Variants in FBF1 observed in about 807,000 individuals in gnomAD.
FBF1 encodes the protein fas-binding factor 1.
Under a neutral mutation model 147.2 loss-of-function variants are expected in FBF1, and 119 were observed. The ratio of observed to expected loss-of-function variants is 0.81; its 90% CI spans 0.70 to 0.94. FBF1 has a LOEUF of 0.94. FBF1 is among the 40% of genes least tolerant of loss of function. The probability of loss-of-function intolerance (pLI) is 0.00; values close to 1 mark genes in which losing one functional copy is unlikely to be tolerated. For missense variants in FBF1, 1,449 were observed against 1,500.8 expected (o/e 0.97, Z 0.57); for synonymous variants, 601 against 609.0 (o/e 0.99, Z 0.19).
In FBF1 at chr17:75,921,968, C is replaced by T. The variant is rs199999931; in HGVS notation, c.1503G>A (p.Pro501=). The T allele has an allele frequency of 1.0e-5, 16 of 1,551,396 alleles. No individual in the cohort carries two copies. The highest frequency in any genetic ancestry group is 1.7e-4 in the Middle Eastern group (1 of 5,806). ...GSSGTTARER[P]CVRPGVSGSP... The stretch of plus-strand genomic sequence containing the variant: ...ACCCCGAGACACCAGGCCTGACACA[C>T]GGTCTTTCTCGTGCAGTTGTTCCAG... Residue 501 remains proline, a synonymous_variant, in exon 15 of 30, where the codon CCG becomes CCA. Coordinates refer to ENST00000636174, the MANE Select transcript of FBF1 (RefSeq NM_001319193.2).
chr17:75,937,317 C>A lies in FBF1; in HGVS notation c.31+249G>T, dbSNP rs369724729. On this transcript the variant is annotated intron_variant, in intron 3 of 29. Transcript: ENST00000636174. ...TCCCGAGTAGCTGGGACTACAGGCA[C>A]CCGCCACCACGCCCGGCTAATTTTT... is the stretch of plus-strand genomic sequence containing the variant. Among the ~76,000 whole-genome samples, 21 of 152,104 alleles carry A rather than the reference C, an allele frequency of 1.4e-4. No homozygotes were observed. The East Asian group carries it at 1.6e-3, about 11-fold the overall frequency.
rs778864232 is a variant in FBF1 at position 75,914,208 on chromosome 17, G to C, written c.2905C>G (p.Gln969Glu). 1.3e-6 allele frequency: 2 copies of C among 1,594,478 alleles called. No homozygotes were observed. Among genetic ancestry groups the C allele is most frequent in the Non-Finnish European group, 1.7e-6 (2 of 1,172,646 alleles). The change falls in exon 26 of 30, where the codon CAG (glutamine) becomes GAG (glutamate). Residue 969 changes from glutamine (Q) to glutamate (E), a missense_variant. Transcript: ENST00000636174. ...CTCTCCTTCTCCAGCCGCAGCTCCT[G>C]CCGCTCCTGCTCCAGGGCTGCTCTC... The part of the protein sequence containing the change: ...AERAALEQER[Q>E]ELRLEKERIN...
At chr17:75,921,112 G>A in intron 17 of FBF1, 132 bp downstream of exon 17, 1 of 914,332 alleles carries the variant, frequency 1.1e-6, no homozygotes, top group South Asian at 1.6e-5. Context: ...CCGGGGAGCT[G>A]GCTGACGTCA....
chr17:75,910,393 G>A lies in FBF1; in HGVS notation c.*330C>T. The A allele has an allele frequency of 2.8e-6, 1 of 361,984 alleles. No individual in the cohort carries two copies. 22.4% of individuals were successfully genotyped at this position (361,984 alleles called of 1,614,324 possible). A position where few individuals can be genotyped will look rare whatever the true frequency, so the allele number is the denominator to read the frequency against. ...ACAGTCTACCTGTGGAGCAGGGGGA[G>A]CCCACAGAGCCCAGGGGGAGCCCAC... On this transcript the variant is annotated 3_prime_UTR_variant, in exon 30 of 30. Transcript: ENST00000636174. This position sits in a 1 kb window ranked among gnomAD's most constrained non-coding sequence, Gnocchi z 4.1.
rs891601241 is a variant in FBF1 at position 75,918,683 on chromosome 17, G to A, written c.2139-414C>T. Among the ~76,000 whole-genome samples the A allele has an allele frequency of 3.9e-5, 6 of 151,982 alleles. No individual in the cohort carries two copies. The highest frequency in any genetic ancestry group is 7.3e-5 in the African/African-American group (3 of 41,368). ...TTTTTTATATTTTAGTAGAGATGGG[G>A]TTTCCACCGTGTTGCCCAGGCTGGT... On this transcript the variant is annotated intron_variant, in intron 20 of 29. Transcript: ENST00000636174. This position sits in a 1 kb window ranked among gnomAD's most constrained non-coding sequence, Gnocchi z 5.8.
In FBF1 at chr17:75,910,910, C is replaced by T. The variant is rs527330144; in HGVS notation, c.3364-104G>A. 55 of 942,572 alleles carry T rather than the reference C, an allele frequency of 5.8e-5. No individual in the cohort carries two copies. The African/African-American group carries it at 7.2e-4, about 12-fold the overall frequency. The allele number at this position is 942,572 out of a possible 1,614,324, so 58.4% of individuals were successfully genotyped here. A position where few individuals can be genotyped will look rare whatever the true frequency, so the allele number is the denominator to read the frequency against. ...CCGTCACTGAGGCCCCTCCCCACAT[C>T]GTCCCTGACTCTGCCTGGCTCTGGG... On this transcript the variant is annotated intron_variant, in intron 29 of 29. Coordinates refer to ENST00000636174, the MANE Select transcript of FBF1 (RefSeq NM_001319193.2). The surrounding 1 kb of genome is among the most constrained non-coding windows in gnomAD (Gnocchi z 4.1).
In FBF1 at chr17:75,928,007, C is replaced by A; in HGVS notation, c.397+69G>T. 7.7e-7 allele frequency: 1 copy of A among 1,307,050 alleles called. No individual in the cohort carries two copies. The highest frequency in any genetic ancestry group is 1.1e-6 in the Non-Finnish European group (1 of 916,508). The allele number at this position is 1,307,050 out of a possible 1,614,324, so 81.0% of individuals were successfully genotyped here. A position where few individuals can be genotyped will look rare whatever the true frequency, so the allele number is the denominator to read the frequency against. On this transcript the variant is annotated intron_variant, in intron 8 of 29. Transcript: ENST00000636174. The surrounding 1 kb of genome is among the most constrained non-coding windows in gnomAD (Gnocchi z 4.2). Reference sequence around the variant, plus strand: ...CGCTTCCTACTAGCATCTTCCACGTCCTCAAAGTCTCCCTAGCAGATGCGA... The same window carrying A: ...CGCTTCCTACTAGCATCTTCCACGTACTCAAAGTCTCCCTAGCAGATGCGA...
Position 75,915,152 on chromosome 17 carries a change from G to A in FBF1, c.2506-13C>T, listed in dbSNP as rs2065481241. On this transcript the variant is annotated splice_polypyrimidine_tract_variant and intron_variant, in intron 23 of 29. Transcript: ENST00000636174. Reference sequence around the variant, plus strand: ...CCCGCCAGCGTTCCTGTAGGGCCCAGGGCAGGACTGAGAGCGTGGTTCCCG... The same window carrying A: ...CCCGCCAGCGTTCCTGTAGGGCCCAAGGCAGGACTGAGAGCGTGGTTCCCG... 1 of 1,605,372 alleles carries A rather than the reference G, an allele frequency of 6.2e-7. No individual in the cohort carries two copies. The highest frequency in any genetic ancestry group is 1.3e-5 in the African/African-American group (1 of 74,878).
At position 75,914,268 on chromosome 17, in the gene FBF1, C is replaced by G. The variant is rs775810816; in HGVS notation, c.2845G>C (p.Glu949Gln). The change falls in exon 26 of 30, where the codon GAG (glutamate) becomes CAG (glutamine). Residue 949 changes from glutamate (E) to glutamine (Q), a missense_variant. Coordinates refer to ENST00000636174, the MANE Select transcript of FBF1 (RefSeq NM_001319193.2). ...AGCTGCTTCTCCTCGGCCCGGAGCTCGCTGGCCCTGATCTTCAGCTCAGCC... is the reference window on the plus strand; with the variant it reads ...AGCTGCTTCTCCTCGGCCCGGAGCTGGCTGGCCCTGATCTTCAGCTCAGCC... ...EQAELKIRAS[E>Q]LRAEEKQLAA... The G allele has an allele frequency of 6.3e-7, 1 of 1,592,534 alleles. No individual in the cohort carries two copies. Among genetic ancestry groups the G allele is most frequent in the South Asian group, 1.1e-5 (1 of 87,982 alleles).
chr17:75,926,153 G>T lies in FBF1; in HGVS notation c.745C>A (p.Arg249Ser). ...TCATCCAGCGTGGAGCGAGCAGGGC[G>T]AGGCCCTTCCCTGCAGGACGGGACA... ...KRQIGDQEGP[R>S]PARSTLDELL... Residue 249 changes from arginine to serine, a missense_variant, in exon 12 of 30, where the codon CGC becomes AGC. By Grantham distance (110) the Arg-to-Ser change is moderately radical (BLOSUM62 -1). Transcript: ENST00000636174. The T allele has an allele frequency of 6.2e-7, 1 of 1,608,490 alleles. No individual in the cohort carries two copies. Among genetic ancestry groups the T allele is most frequent in the Non-Finnish European group, 8.5e-7 (1 of 1,178,166 alleles).
rs1266810910 is a variant in FBF1, at chr17:75,925,220, T to C, written c.968+127A>G. 1 of 644,064 alleles carries C rather than the reference T, an allele frequency of 1.6e-6. No homozygotes were observed. The highest frequency in any genetic ancestry group is 2.6e-6 in the Non-Finnish European group (1 of 383,920). 39.9% of individuals were successfully genotyped at this position (644,064 alleles called of 1,614,324 possible). A position where few individuals can be genotyped will look rare whatever the true frequency, so the allele number is the denominator to read the frequency against. ...CCGCTTCCTTCAGCACCTGCAGAGCTGAGGGCCTTGTACCCTGTGGCCTCC... is the reference window on the plus strand; with the variant it reads ...CCGCTTCCTTCAGCACCTGCAGAGCCGAGGGCCTTGTACCCTGTGGCCTCC... On this transcript the variant is annotated intron_variant, in intron 13 of 29. Coordinates refer to ENST00000636174, the MANE Select transcript of FBF1 (RefSeq NM_001319193.2). The surrounding 1 kb of genome is among the most constrained non-coding windows in gnomAD (Gnocchi z 5.0).
chr17:75,922,387 C>T lies in FBF1; in HGVS notation c.1425-341G>A, dbSNP rs973177771. ...CTTGGCTCAGCTCTAGATTAGGATT[C>T]TGCTCAGTCTACCAAATCTGGCTGG... On this transcript the variant is annotated intron_variant, in intron 14 of 29. Coordinates refer to ENST00000636174, the MANE Select transcript of FBF1 (RefSeq NM_001319193.2). This position sits in a 1 kb window ranked among gnomAD's most constrained non-coding sequence, Gnocchi z 5.0. Among the ~76,000 whole-genome samples, 4 of 152,216 alleles carry T rather than the reference C, an allele frequency of 2.6e-5. No individual in the cohort carries two copies. Among genetic ancestry groups the T allele is most frequent in the Non-Finnish European group, 5.9e-5 (4 of 68,044 alleles).
In FBF1 at chr17:75,932,602, G is replaced by A. The variant is rs150524649; in HGVS notation, c.167+393C>T. Among the ~76,000 whole-genome samples, 990 of 151,982 alleles carry A rather than the reference G, an allele frequency of 6.5e-3. 12 individuals are homozygous for A. Among genetic ancestry groups the A allele is most frequent in the African/African-American group, 0.023 (955 of 41,458 alleles). On this transcript the variant is annotated intron_variant, in intron 5 of 29. Transcript: ENST00000636174. ...TTCACTAAAAATACCAAAATTAGCC[G>A]GGTGGGCCGGGCATGGTGCCTCACG...
intron 29 of FBF1, among the ~76,000 whole-genome samples, chr17:75,911,494 G>A (rs115450658): frequency 0.013 from 1,998 of 152,120 alleles, 55 homozygotes; most frequent in African/African-American, 0.046. Flanking sequence ...CTATAGATAT[G>A]CCCCACCATG....
At chr17:75,937,662 G>T in intron 2 of FBF1, 69 bp from the exon 3 acceptor site, 1 of 1,537,536 alleles carries the variant, frequency 6.5e-7, no homozygotes, top group Non-Finnish European at 9.0e-7. Flanking sequence ...TGGCAATGCA[G>T]AATGAATTGC....
intron 29 of FBF1, 130 bp downstream of exon 29, chr17:75,912,062 C>T: frequency 3.6e-6 from 3 of 837,250 alleles, no homozygotes; most frequent in Non-Finnish European, 5.8e-6. Flanking sequence ...GCTCACTAAG[C>T]AAACTGCAGT....
chr17:75,932,014 C>T (rs963669660), intron 5 of FBF1, among the ~76,000 whole-genome samples: 1 of 152,166 alleles, frequency 6.6e-6, no homozygotes, highest in Non-Finnish European at 1.5e-5. Flanking sequence ...TCATAAGTAA[C>T]AGATAGAGGA....
rs531304223 is a variant in FBF1, at chr17:75,935,818, G to A, written c.32-145C>T. ...GCTCTCCTTTCATTGGCCACGAGAT[G>A]TTTTACAAGTTTCTGGCAACAAGTC... On this transcript the variant is annotated intron_variant, in intron 3 of 29. Transcript: ENST00000636174. 206 of 684,048 alleles carry A rather than the reference G, an allele frequency of 3.0e-4. 1 individual carries two copies. The highest frequency in any genetic ancestry group is 4.2e-4 in the Non-Finnish European group (180 of 432,286). 42.4% of individuals were successfully genotyped at this position (684,048 alleles called of 1,614,324 possible). A position where few individuals can be genotyped will look rare whatever the true frequency, so the allele number is the denominator to read the frequency against.
intron 6 of FBF1, among the ~76,000 whole-genome samples, chr17:75,930,956 A>T (rs964928729): frequency 2.0e-5 from 3 of 151,972 alleles, no homozygotes; most frequent in African/African-American, 4.8e-5. Flanking sequence ...TTAGCCAGTC[A>T]TGGTGGCAGG....
Sources: gnomAD v4.1 joint callset for allele counts (sites outside exome capture counted in the v4.1 genomes callset) on GRCh38, gnomAD v4.1.1 for gene constraint, Gnocchi (gnomAD v3.1) non-coding constraint, MANE v1.5 for transcripts, NCBI Gene and HGNC (gene_info 2026-07-23, HGNC 2026-07-21) for gene names.